The following SCRN1 variants were observed in gnomAD, a reference collection of about 807,000 sequenced individuals.
The protein encoded by SCRN1 is secernin 1, also known as secernin-1.
Under a neutral mutation model 43.3 loss-of-function variants are expected in SCRN1, and 19 were observed. The observed-to-expected ratio is 0.44, with a 90% CI of 0.31 to 0.64. SCRN1 has a LOEUF of 0.64. Among genes scored for constraint, SCRN1 ranks in the 30% least tolerant of loss-of-function variants. SCRN1 has a pLI of 0.09. For missense variants in SCRN1, 447 were observed against 524.1 expected (o/e 0.85, Z 1.44); for synonymous variants, 183 against 188.9 (o/e 0.97, Z 0.26).
In SCRN1 at chr7:29,989,701, G is replaced by GAGGGTGCGGGTGCTGC. The variant is rs1789300300; in HGVS notation, c.-77_-62dup. The GAGGGTGCGGGTGCTGC allele has an allele frequency of 2.3e-5, 23 of 985,840 alleles. No individual in the cohort carries two copies. The Admixed American group carries it at 8.6e-4, about 37-fold the overall frequency. The allele number at this position is 985,840 out of a possible 1,614,324, so 61.1% of individuals were successfully genotyped here. A position where few individuals can be genotyped will look rare whatever the true frequency, so the allele number is the denominator to read the frequency against. ...CTGCGGTGCTGAGGCTGCGGCCGCC[G>GAGGGTGCGGGTGCTGC]AGGGTGCGGGTGCTGCCGGGTCCGG... is the stretch of plus-strand genomic sequence containing the variant. On this transcript the variant is annotated 5_prime_UTR_variant, in exon 1 of 8. Coordinates refer to ENST00000242059, the MANE Select transcript of SCRN1 (RefSeq NM_014766.5).
intron 6 of SCRN1, among the ~76,000 whole-genome samples, chr7:29,930,693 T>A (rs1053633432): frequency 6.6e-6 from 1 of 152,110 alleles, no homozygotes; most frequent in Non-Finnish European, 1.5e-5. Flanking sequence ...CAGGGCTGAC[T>A]CTCAGACCAA....
chr7:29,925,867 A>C (rs1046305691), intron 7 of SCRN1, among the ~76,000 whole-genome samples: 24 of 151,900 alleles, frequency 1.6e-4, no homozygotes, highest in Middle Eastern at 3.4e-3. Context: ...AAAAAAAAAA[A>C]AAAAACCCTA....
chr7:29,935,987 A>G (rs1341307900), intron 6 of SCRN1, among the ~76,000 whole-genome samples: 1 of 152,234 alleles, frequency 6.6e-6, no homozygotes, highest in Non-Finnish European at 1.5e-5. Context: ...TAGAGGCTGC[A>G]TTCTTCATCC....
At chr7:29,980,809 A>G (rs904562943) in intron 1 of SCRN1, among the ~76,000 whole-genome samples, 2 of 152,234 alleles carry the variant, frequency 1.3e-5, no homozygotes, top group African/African-American at 4.8e-5. Flanking sequence ...GAATATATAC[A>G]CATATATGAA....
chr7:29,937,480 G>T (rs1246245121), intron 5 of SCRN1, among the ~76,000 whole-genome samples: 2 of 152,118 alleles, frequency 1.3e-5, no homozygotes, highest in Non-Finnish European at 1.5e-5. Context: ...TTAATTTGGG[G>T]TGTCTTTGTT....
At chr7:29,956,195 G>C (rs1462810912) in intron 2 of SCRN1, among the ~76,000 whole-genome samples, 2 of 152,228 alleles carry the variant, frequency 1.3e-5, no homozygotes, top group Non-Finnish European at 2.9e-5. Context: ...ATCAGTCAAA[G>C]TATGTCCAGG....
At chr7:29,952,344 T>C (rs960857317) in intron 3 of SCRN1, among the ~76,000 whole-genome samples, 1 of 152,226 alleles carries the variant, frequency 6.6e-6, no homozygotes, top group African/African-American at 2.4e-5. Context: ...ACTTGTAGTA[T>C]CAATATCATC....
Position 29,940,784 on chromosome 7 carries a change from A to G in SCRN1, c.637T>C (p.Trp213Arg). Reference sequence around the variant, plus strand: ...TTGAACTCGCCCTCTCCCGTCCACCAACCTTGGCTCTGAGCGTAACTCCTG... The same window carrying G: ...TTGAACTCGCCCTCTCCCGTCCACCGACCTTGGCTCTGAGCGTAACTCCTG... Reference protein sequence around the residue: ...ELRSYAQSQGWWTGEGEFNFS... With the variant: ...ELRSYAQSQGRWTGEGEFNFS... The change falls in exon 5 of 8, where the codon TGG becomes CGG. Residue 213 changes from tryptophan (W) to arginine (R), a missense_variant. Coordinates refer to ENST00000242059, the MANE Select transcript of SCRN1 (RefSeq NM_014766.5). 1 of 1,610,334 alleles carries G rather than the reference A, an allele frequency of 6.2e-7. No homozygotes were observed. The highest frequency in any genetic ancestry group is 8.5e-7 in the Non-Finnish European group (1 of 1,179,060).
intron 4 of SCRN1, among the ~76,000 whole-genome samples, 171 bp from the exon 5 acceptor site, chr7:29,941,047 A>G (rs1009717917): frequency 1.3e-5 from 2 of 152,168 alleles, no homozygotes; most frequent in Admixed American, 1.3e-4. Context: ...TTTCTAGGAG[A>G]CCTCCTAAAA....
intron 2 of SCRN1, among the ~76,000 whole-genome samples, chr7:29,958,591 T>G (rs1583678032): frequency 1.3e-5 from 2 of 152,368 alleles, no homozygotes; most frequent in South Asian, 4.1e-4. Context: ...TCAAAATTCC[T>G]AGCTTAATTT....
chr7:29,926,086 T>C (rs1336346789), intron 7 of SCRN1, among the ~76,000 whole-genome samples: 1 of 152,140 alleles, frequency 6.6e-6, no homozygotes, highest in Non-Finnish European at 1.5e-5. Flanking sequence ...TGCCAGCAAA[T>C]AACAACTTTT....
intron 2 of SCRN1, among the ~76,000 whole-genome samples, chr7:29,956,255 T>C (rs1465260635): frequency 6.6e-6 from 1 of 152,164 alleles, no homozygotes; most frequent in African/African-American, 2.4e-5. Flanking sequence ...CCTCAGAGTC[T>C]CGCCCTCCTG....
At chr7:29,988,473 G>A (rs1789235390) in intron 1 of SCRN1, 1 of 152,486 alleles carries the variant, frequency 6.6e-6, no homozygotes, top group Non-Finnish European at 1.5e-5. Context: ...ATACCCGGAT[G>A]AGCCTTGACT....
At chr7:29,972,173 C>G (rs145495057) in intron 1 of SCRN1, among the ~76,000 whole-genome samples, 1 of 152,134 alleles carries the variant, frequency 6.6e-6, no homozygotes, top group Admixed American at 6.5e-5. Context: ...ATCTGGGCAT[C>G]GGGGGAATTG....
chr7:29,984,511 T>A (rs935395768), intron 1 of SCRN1, among the ~76,000 whole-genome samples: 2 of 151,490 alleles, frequency 1.3e-5, no homozygotes, highest in African/African-American at 4.9e-5. Flanking sequence ...TACATACCAA[T>A]AAGAAAAAGA....
chr7:29,953,997 A>G (rs1264953417), intron 3 of SCRN1, among the ~76,000 whole-genome samples: 1 of 152,150 alleles, frequency 6.6e-6, no homozygotes, highest in Non-Finnish European at 1.5e-5. Flanking sequence ...TCTTTCAACT[A>G]TGTCATGATT....
chr7:29,962,574 G>C (rs1444598951), intron 2 of SCRN1, among the ~76,000 whole-genome samples: 1 of 152,108 alleles, frequency 6.6e-6, no homozygotes, highest in East Asian at 1.9e-4. Flanking sequence ...TGTAATCCCA[G>C]CTACTTGGGA....
At chr7:29,962,407 C>T (rs539595429) in intron 2 of SCRN1, among the ~76,000 whole-genome samples, 180 of 151,932 alleles carry the variant, frequency 1.2e-3, no homozygotes, top group African/African-American at 4.3e-3. Context: ...ATGAAATGGG[C>T]CAGGCATGGT....
chr7:29,969,243 A>G, intron 1 of SCRN1, 175 bp from the exon 2 acceptor site: 2 of 619,010 alleles, frequency 3.2e-6, no homozygotes, highest in Non-Finnish European at 5.5e-6. Flanking sequence ...GTGGAATGAC[A>G]GAGCCACCGA....
Sources: gnomAD v4.1 joint callset for allele counts (sites outside exome capture counted in the v4.1 genomes callset) on GRCh38, gnomAD v4.1.1 for gene constraint, MANE v1.5 for transcripts, NCBI Gene and HGNC (gene_info 2026-07-23, HGNC 2026-07-21) for gene names.